The following ACOT8 variants were observed in gnomAD, a reference collection of about 807,000 sequenced individuals.
The protein encoded by ACOT8 is acyl-CoA thioesterase 8.
Under a neutral mutation model 38.4 loss-of-function variants are expected in ACOT8, and 31 were observed. That is an observed-to-expected ratio of 0.81 (90% CI 0.61 to 1.09). ACOT8 has a LOEUF of 1.09. Ranked by LOEUF, ACOT8 falls within the 50% of genes least tolerant of loss-of-function variation. The pLI is 0.00. For missense variants in ACOT8, 373 were observed against 421.8 expected (o/e 0.88, Z 1.01); for synonymous variants, 158 against 170.3 (o/e 0.93, Z 0.56).
chr20:45,843,235 A>C, intron 5 of ACOT8: 3 of 550,980 alleles, frequency 5.4e-6, no homozygotes, highest in Non-Finnish European at 9.8e-6. Context: ...TTCAGATGGA[A>C]GATATGATTT....
intron 5 of ACOT8, chr20:45,842,755 T>A: frequency 1.0e-6 from 1 of 989,380 alleles, no homozygotes; most frequent in Non-Finnish European, 1.2e-6. Context: ...GGCCCCATGA[T>A]GAAGCCAAAT....
intron 2 of ACOT8, among the ~76,000 whole-genome samples, chr20:45,850,742 G>A (rs1342489417): frequency 6.6e-6 from 1 of 152,126 alleles, no homozygotes; most frequent in African/African-American, 2.4e-5. Flanking sequence ...TGTGCCTATA[G>A]TCCCAGCTAA....
intron 1 of ACOT8, among the ~76,000 whole-genome samples, chr20:45,855,696 T>C: frequency 6.6e-6 from 1 of 152,118 alleles, no homozygotes; most frequent in Non-Finnish European, 1.5e-5. Flanking sequence ...GAGGTTGAGG[T>C]GAGCCAAGAT....
chr20:45,853,800 C>T (rs1007513567), intron 2 of ACOT8: 2 of 688,628 alleles, frequency 2.9e-6, no homozygotes, highest in Non-Finnish European at 4.5e-6. Context: ...CAATACTCCT[C>T]AGGGATGAGG....
Position 45,848,571 on chromosome 20 carries a change from T to C in ACOT8, c.367A>G (p.Ile123Val). The change falls in exon 3 of 6, where the codon ATC (isoleucine) becomes GTC (valine). Residue 123 changes from isoleucine to valine, a missense_variant. Transcript: ENST00000217455. ...KAVQHGKPIF[I>V]CQASFQQAQP... ...GCCTGCTGGAAGGAGGCCTGGCAGA[T>C]GAAGATGGGCTTCCCATGTTGCACG... 6.2e-7 allele frequency: 1 copy of C among 1,614,124 alleles called. No homozygotes were observed. Among genetic ancestry groups the C allele is most frequent in the Non-Finnish European group, 8.5e-7 (1 of 1,180,002 alleles).
In ACOT8 at chr20:45,843,603, C is replaced by T. The variant is rs1445951244; in HGVS notation, c.765G>A (p.Leu255=). 6.2e-7 allele frequency: 1 copy of T among 1,613,862 alleles called. No individual in the cohort carries two copies. The highest frequency in any genetic ancestry group is 8.5e-7 in the Non-Finnish European group (1 of 1,179,796). The change falls in exon 5 of 6, where the codon CTG becomes CTA. Residue 255 remains leucine, a synonymous_variant. Transcript: ENST00000217455. ...WQHKVHFMVS[L]DHSMWFHAPF... is the part of the protein sequence containing the mutation. The stretch of plus-strand genomic sequence containing the variant: ...GGGCGTGGAACCACATGGAATGGTC[C>T]AGTGAGACCATGAAGTGCACCTTGT...
At chr20:45,843,997 T>G (rs1984476622) in intron 4 of ACOT8, 1 of 789,554 alleles carries the variant, frequency 1.3e-6, no homozygotes, top group Admixed American at 2.8e-5. Flanking sequence ...AAAGATACTT[T>G]ATAGTTAGCA....
chr20:45,842,292 C>A (rs1984259334), intron 5 of ACOT8: 2 of 1,425,988 alleles, frequency 1.4e-6, no homozygotes, highest in Admixed American at 2.9e-5. Context: ...CCCCAGTTGA[C>A]AGTTTAAAAG....
intron 3 of ACOT8, chr20:45,847,968 G>A (rs1050936825): frequency 6.6e-6 from 1 of 151,768 alleles, no homozygotes; most frequent in South Asian, 2.1e-4. Context: ...ATAGAGACAG[G>A]GTTTCACCAT....
chr20:45,843,292 G>A (rs1434313528), intron 5 of ACOT8: 2 of 708,492 alleles, frequency 2.8e-6, no homozygotes, highest in Non-Finnish European at 2.5e-6. Context: ...GACTAGAACT[G>A]GGTCCCTGGG....
intron 2 of ACOT8, among the ~76,000 whole-genome samples, chr20:45,850,915 C>T (rs1985014655): frequency 6.6e-6 from 1 of 152,036 alleles, no homozygotes; most frequent in Admixed American, 6.6e-5. Flanking sequence ...AGGGATAAGG[C>T]AGCCAACAAC....
intron 1 of ACOT8, among the ~76,000 whole-genome samples, chr20:45,856,357 CAGG>C (rs1985426755): frequency 6.6e-6 from 1 of 152,268 alleles, no homozygotes; most frequent in East Asian, 1.9e-4. Flanking sequence ...CCAGTAAAGC[CAGG>C]AGAAGCCTTG....
At chr20:45,849,316 GCT>G (rs1984906677) in intron 2 of ACOT8, among the ~76,000 whole-genome samples, 1 of 152,086 alleles carries the variant, frequency 6.6e-6, no homozygotes, top group South Asian at 2.1e-4. Flanking sequence ...ATGGAGTCTT[GCT>G]CTGTCACCCA....
rs1984145825 is a variant in ACOT8, at chr20:45,841,728, G to C, written c.*110C>G. Reference sequence around the variant, plus strand: ...GAATTAAAAGCCAGCCACTCCAGTGGTATCAGTCTCTTTATTGGATGTGAG... The same window carrying C: ...GAATTAAAAGCCAGCCACTCCAGTGCTATCAGTCTCTTTATTGGATGTGAG... On this transcript the variant is annotated 3_prime_UTR_variant, in exon 6 of 6. Transcript: ENST00000217455. The C allele has an allele frequency of 1.4e-6, 2 of 1,437,068 alleles. No individual in the cohort carries two copies. The highest frequency in any genetic ancestry group is 1.5e-5 in the South Asian group (1 of 66,840). The allele number at this position is 1,437,068 out of a possible 1,614,324, so 89.0% of individuals were successfully genotyped here.
At chr20:45,852,353 T>TC (rs1985121683) in intron 2 of ACOT8, among the ~76,000 whole-genome samples, 1 of 151,760 alleles carries the variant, frequency 6.6e-6, no homozygotes, top group African/African-American at 2.4e-5. Context: ...TGTGTTTTTT[T>TC]TTTTTAGTAG....
At chr20:45,856,423 T>C (rs760558) in intron 1 of ACOT8, among the ~76,000 whole-genome samples, 92,713 of 152,076 alleles carry the variant, frequency 0.61, 28,566 homozygotes, top group Admixed American at 0.68. Flanking sequence ...CGGTGGCTCA[T>C]GCCTGTAATC....
intron 1 of ACOT8, 45 bp downstream of exon 1, chr20:45,857,143 T>C: frequency 6.3e-7 from 1 of 1,582,958 alleles, no homozygotes; most frequent in Non-Finnish European, 8.6e-7. Context: ...CAAGATCAAG[T>C]TTCTGCCCTA....
chr20:45,850,337 T>G (rs1984983183), intron 2 of ACOT8, among the ~76,000 whole-genome samples: 1 of 152,194 alleles, frequency 6.6e-6, no homozygotes, highest in South Asian at 2.1e-4. Flanking sequence ...GGGGCAAAAA[T>G]TAGGGCAGCT....
intron 5 of ACOT8, chr20:45,842,179 G>A: frequency 2.0e-6 from 3 of 1,500,872 alleles, no homozygotes; most frequent in Non-Finnish European, 2.6e-6. Context: ...GCCCAGGGCA[G>A]GGCTGCCCCA....
Sources: allele counts gnomAD v4.1 joint callset (sites outside exome capture counted in the v4.1 genomes callset), GRCh38; gene constraint gnomAD v4.1.1; transcripts MANE v1.5; gene names NCBI Gene and HGNC (gene_info 2026-07-23, HGNC 2026-07-21).